The following BCHE variants were observed in gnomAD, a reference collection of about 807,000 sequenced individuals.
BCHE encodes the protein cholinesterase.
In BCHE, 48 loss-of-function variants were observed where a neutral mutation model predicts 51.3. That is an observed-to-expected ratio of 0.94 (90% confidence interval 0.74 to 1.19). The LOEUF (loss-of-function observed/expected upper bound fraction) is 1.19. Ranked by LOEUF, BCHE falls within the 50% of genes most tolerant of loss-of-function variation. The probability of loss-of-function intolerance (pLI) is 0.00; values close to 1 mark genes in which losing one functional copy is unlikely to be tolerated. For missense variants in BCHE, 847 were observed against 708.2 expected, an observed-to-expected ratio of 1.20 and a Z score of -2.23; for synonymous variants, 251 against 238.0, an observed-to-expected ratio of 1.05 and a Z score of -0.50.
At position 165,811,389 on chromosome 3, in the gene BCHE, A is replaced by G. The variant is rs74331066; in HGVS notation, c.1517+18128T>C. 4.0e-3 allele frequency among the ~76,000 whole-genome samples: 613 copies of G among 152,146 alleles called. 4 individuals are homozygous for G. The highest frequency in any genetic ancestry group is 0.014 in the African/African-American group (578 of 41,542). ...AACATCCTTACCTACATATTCATGG[A>G]TGGATAACAAGTTGTATGTAGATGT... is the stretch of plus-strand genomic sequence containing the variant. On this transcript the variant is annotated intron_variant, in intron 2 of 3. Transcript: ENST00000264381.
chr3:165,784,667 A>G (rs1712871552), intron 3 of BCHE, among the ~76,000 whole-genome samples: 1 of 151,890 alleles, frequency 6.6e-6, no homozygotes, highest in African/African-American at 2.4e-5. Context: ...TTTGTGAAGG[A>G]TAGTTTTTTA....
rs772072985 is a variant in BCHE at position 165,773,516 on chromosome 3, A to G, written c.1685-10T>C. 2.5e-6 allele frequency: 4 copies of G among 1,602,566 alleles called. No homozygotes were observed. The African/African-American group carries it at 5.4e-5, about 21-fold the overall frequency. On this transcript the variant is annotated splice_polypyrimidine_tract_variant and intron_variant, in intron 3 of 3. Transcript: ENST00000264381. ...GCTTCATCAATATTTCCTGTAAAAT[A>G]TGGAATAAGTTGTATTAATCAAAAT...
chr3:165,793,502 C>G (rs1056670926), intron 2 of BCHE, among the ~76,000 whole-genome samples: 2 of 152,118 alleles, frequency 1.3e-5, no homozygotes, highest in African/African-American at 4.8e-5. Flanking sequence ...GAAATTGTGC[C>G]TGACTCATAG....
intron 2 of BCHE, among the ~76,000 whole-genome samples, chr3:165,797,134 TTCCTTCCC>T (rs757059533): frequency 3.8e-4 from 50 of 133,186 alleles, no homozygotes; most frequent in African/African-American, 1.2e-3. Flanking sequence ...CCTCCCTTCC[TTCCTTCCC>T]TCCTTCCCTC....
Position 165,773,166 on chromosome 3 carries a change from C to A in BCHE, c.*216G>T. On this transcript the variant is annotated 3_prime_UTR_variant, in exon 4 of 4. Transcript: ENST00000264381. ...AATATGCACATAATTAACTGTAGAACTTTATATTGTGAAATTTAATTAAAC... is the reference window on the plus strand; with the variant it reads ...AATATGCACATAATTAACTGTAGAAATTTATATTGTGAAATTTAATTAAAC... 4.3e-6 allele frequency: 2 copies of A among 464,126 alleles called. No individual in the cohort carries two copies. Among genetic ancestry groups the A allele is most frequent in the Non-Finnish European group, 7.6e-6 (2 of 261,556 alleles). 28.8% of individuals were successfully genotyped at this position (464,126 alleles called of 1,614,324 possible).
intron 2 of BCHE, among the ~76,000 whole-genome samples, chr3:165,794,063 AT>A (rs1418709693): frequency 1.3e-5 from 2 of 151,870 alleles, no homozygotes; most frequent in Admixed American, 1.3e-4. Flanking sequence ...AAAAAAAAAA[AT>A]ACACAGATTT....
intron 2 of BCHE, among the ~76,000 whole-genome samples, chr3:165,811,623 T>C (rs1286461495): frequency 6.6e-6 from 1 of 152,066 alleles, no homozygotes; most frequent in Non-Finnish European, 1.5e-5. Context: ...TGGAATTCTG[T>C]TCTCAGTATT....
At chr3:165,829,426 C>T (rs906694551) in intron 2 of BCHE, 91 bp downstream of exon 2, 3 of 1,138,450 alleles carry the variant, frequency 2.6e-6, no homozygotes. Context: ...ATTTCTGTGT[C>T]TTTATACTAA....
intron 2 of BCHE, among the ~76,000 whole-genome samples, chr3:165,796,341 C>A (rs552693642): frequency 3.5e-4 from 53 of 152,224 alleles, no homozygotes; most frequent in African/African-American, 1.3e-3. Flanking sequence ...GAAATAAAAA[C>A]ACACACAAAA....
At chr3:165,824,425 C>T (rs544588557) in intron 2 of BCHE, among the ~76,000 whole-genome samples, 6 of 152,004 alleles carry the variant, frequency 3.9e-5, no homozygotes, top group South Asian at 2.1e-4. Flanking sequence ...CTAAATTTGA[C>T]GAAGGGCAAA....
At chr3:165,798,242 C>A (rs1713496718) in intron 2 of BCHE, among the ~76,000 whole-genome samples, 1 of 151,916 alleles carries the variant, frequency 6.6e-6, no homozygotes, top group Non-Finnish European at 1.5e-5. Flanking sequence ...TACAGCGTAT[C>A]CTTTCAAATG....
Position 165,830,587 on chromosome 3 carries a change from T to C in BCHE, c.447A>G (p.Gly149=), listed in dbSNP as rs114203545. The C allele has an allele frequency of 1.6e-5, 26 of 1,613,976 alleles. No homozygotes were observed. In the East Asian group the frequency reaches 5.8e-4, roughly 36 times the overall value. ...IWIYGGGFQT[G]TSSLHVYDGK... ...CATCATAAACATGTAAAGATGATGT[T>C]CCAGTTTGAAAACCACCACCATAAA... The change falls in exon 2 of 4, where the codon GGA becomes GGG. Residue 149 remains glycine (G), a synonymous_variant. Transcript: ENST00000264381.
intron 3 of BCHE, among the ~76,000 whole-genome samples, chr3:165,781,154 G>A (rs1712682830): frequency 6.6e-6 from 1 of 152,102 alleles, no homozygotes; most frequent in African/African-American, 2.4e-5. Flanking sequence ...AGGAGGCTGA[G>A]GCAGGAACAT....
In BCHE at chr3:165,773,033, C is replaced by T. The variant is rs55849903; in HGVS notation, c.*349G>A. Reference sequence around the variant, plus strand: ...TTCATTTAAAAAAGATACCTTTTTACGAGTGGTAATGAAAATACACGTGAC... The same window carrying T: ...TTCATTTAAAAAAGATACCTTTTTATGAGTGGTAATGAAAATACACGTGAC... On this transcript the variant is annotated 3_prime_UTR_variant, in exon 4 of 4. Coordinates refer to ENST00000264381, the MANE Select transcript of BCHE (RefSeq NM_000055.4). 0.021 allele frequency: 3,761 copies of T among 181,914 alleles called. 80 individuals carry two copies. The highest frequency in any genetic ancestry group is 0.055 in the African/African-American group (2,318 of 41,936). 11.3% of individuals were successfully genotyped at this position (181,914 alleles called of 1,614,324 possible). A position where few individuals can be genotyped will look rare whatever the true frequency, so the allele number is the denominator to read the frequency against.
intron 2 of BCHE, among the ~76,000 whole-genome samples, chr3:165,798,574 G>A (rs915401012): frequency 6.6e-6 from 1 of 152,058 alleles, no homozygotes; most frequent in African/African-American, 2.4e-5. Flanking sequence ...GCTGAGGTAG[G>A]TGAATTTTCA....
intron 2 of BCHE, among the ~76,000 whole-genome samples, chr3:165,824,281 C>T (rs151284804): frequency 6.7e-4 from 101 of 151,860 alleles, no homozygotes; most frequent in African/African-American, 2.3e-3. Context: ...ATTCACCACA[C>T]TAACAAAATT....
At chr3:165,778,636 G>C in intron 3 of BCHE, 2 of 448,726 alleles carry the variant, frequency 4.5e-6, no homozygotes, top group Non-Finnish European at 9.0e-6. Flanking sequence ...ATGGTCCTGG[G>C]CCCTGACTCC....
intron 3 of BCHE, among the ~76,000 whole-genome samples, chr3:165,782,566 T>G (rs1378025252): frequency 6.6e-6 from 1 of 152,136 alleles, no homozygotes; most frequent in Non-Finnish European, 1.5e-5. Flanking sequence ...GTTTTTTGTC[T>G]AGCCAAAAAG....
At chr3:165,790,611 C>T (rs541600815) in intron 2 of BCHE, among the ~76,000 whole-genome samples, 86 of 152,238 alleles carry the variant, frequency 5.6e-4, no homozygotes, top group Non-Finnish European at 9.7e-4. Flanking sequence ...CCTAAACTTA[C>T]GACTGGTGTG....
Sources: allele counts gnomAD v4.1 joint callset (sites outside exome capture counted in the v4.1 genomes callset), GRCh38; gene constraint gnomAD v4.1.1; transcripts MANE v1.5; gene names NCBI Gene and HGNC (gene_info 2026-07-23, HGNC 2026-07-21).